The following DPP10 variants were observed in gnomAD, a reference collection of about 807,000 sequenced individuals.
DPP10 encodes the protein dipeptidyl peptidase like 10, also known as inactive dipeptidyl peptidase 10.
A neutral mutation model predicts 120.9 loss-of-function variants in DPP10; 33 were observed. That is an observed-to-expected ratio of 0.27 (90% CI 0.21 to 0.37). DPP10 has a LOEUF of 0.37. DPP10 is among the 10% of genes least tolerant of loss of function. DPP10 has a pLI of 1.00. For synonymous variants in DPP10, 337 were observed against 326.1 expected (o/e 1.03, Z -0.36); for missense variants, 816 against 942.8 (o/e 0.87, Z 1.76).
intron 3 of DPP10, among the ~76,000 whole-genome samples, chr2:115,483,405 G>A (rs886546485): frequency 8.6e-5 from 13 of 151,826 alleles, no homozygotes; most frequent in Non-Finnish European, 1.8e-4. Context: ...CTCCTTCTTC[G>A]TTCTTTCACT....
chr2:115,373,917 A>G (rs2106414738), intron 3 of DPP10, among the ~76,000 whole-genome samples: 1 of 151,576 alleles, frequency 6.6e-6, no homozygotes, highest in African/African-American at 2.4e-5. Context: ...GAAATGGGGC[A>G]TGCCAAACAT....
chr2:115,798,280 T>A (rs1575807372), intron 19 of DPP10, among the ~76,000 whole-genome samples: 1 of 152,142 alleles, frequency 6.6e-6, no homozygotes, highest in East Asian at 1.9e-4. Flanking sequence ...TTTTCTGTTT[T>A]AATTAGTTAT....
chr2:114,664,034 C>T (rs1463493452), intron 1 of DPP10, among the ~76,000 whole-genome samples: 1 of 151,900 alleles, frequency 6.6e-6, no homozygotes. Context: ...GTATAAAATG[C>T]TACAGTTGAA....
intron 1 of DPP10, among the ~76,000 whole-genome samples, chr2:114,650,094 G>A (rs1240609171): frequency 1.3e-5 from 2 of 152,136 alleles, no homozygotes; most frequent in African/African-American, 4.8e-5. Flanking sequence ...ATCGTCTGAT[G>A]TTTTGGGCCA....
rs59815394 is a variant in DPP10, at chr2:114,625,959, A to G, written c.60+183121A>G. On this transcript the variant is annotated intron_variant, in intron 1 of 25. Coordinates refer to ENST00000410059, the MANE Select transcript of DPP10 (RefSeq NM_020868.6). ...GCTTATTGCTATTGGGTTGTTCATT[A>G]TTTCTAGGTCTTTACATTGACAGAG... 2.0e-5 allele frequency among the ~76,000 whole-genome samples: 3 copies of G among 151,608 alleles called. No homozygotes were observed. The East Asian group carries it at 5.8e-4, about 29-fold the overall frequency.
At chr2:114,936,023 C>A (rs916195215) in intron 1 of DPP10, among the ~76,000 whole-genome samples, 1 of 151,712 alleles carries the variant, frequency 6.6e-6, no homozygotes, top group Non-Finnish European at 1.5e-5. Flanking sequence ...TTTGGGGGAA[C>A]AGGTAGTGTT....
At chr2:115,387,202 A>G (rs2067005088) in intron 3 of DPP10, among the ~76,000 whole-genome samples, 1 of 152,110 alleles carries the variant, frequency 6.6e-6, no homozygotes, top group African/African-American at 2.4e-5. Context: ...CACCACCCCC[A>G]CACTTGTTTC....
intron 1 of DPP10, among the ~76,000 whole-genome samples, chr2:114,651,080 C>T (rs1416362834): frequency 6.6e-6 from 1 of 152,164 alleles, no homozygotes; most frequent in Non-Finnish European, 1.5e-5. Context: ...CCAGGCTAGT[C>T]ACCTAAATGC....
chr2:115,412,177 GT>G (rs1204149774), intron 3 of DPP10, among the ~76,000 whole-genome samples: 6 of 152,134 alleles, frequency 3.9e-5, no homozygotes, highest in Admixed American at 2.6e-4. Flanking sequence ...CCTAAAACAG[GT>G]TGATGAGGGA....
At chr2:115,818,565 G>A (rs1009414768) in intron 21 of DPP10, among the ~76,000 whole-genome samples, 1 of 152,172 alleles carries the variant, frequency 6.6e-6, no homozygotes, top group Non-Finnish European at 1.5e-5. Context: ...AGCAGGTAGA[G>A]GGGAAGGAAA....
chr2:115,231,431 A>T (rs1479996442), intron 1 of DPP10, among the ~76,000 whole-genome samples: 1 of 152,144 alleles, frequency 6.6e-6, no homozygotes, highest in East Asian at 1.9e-4. Flanking sequence ...CATACTTTAC[A>T]GTTTGATTCA....
intron 1 of DPP10, among the ~76,000 whole-genome samples, chr2:114,524,723 G>C (rs190419301): frequency 6.6e-6 from 1 of 152,280 alleles, no homozygotes; most frequent in Admixed American, 6.5e-5. Context: ...GTGAATGACT[G>C]TCCAGGCATG....
At chr2:115,354,394 A>G (rs780114516) in intron 3 of DPP10, among the ~76,000 whole-genome samples, 3 of 151,700 alleles carry the variant, frequency 2.0e-5, no homozygotes, top group Admixed American at 6.6e-5. Context: ...TGGGTACCCA[A>G]TGTTTAGTTC....
intron 3 of DPP10, among the ~76,000 whole-genome samples, chr2:115,445,015 C>G (rs2072438490): frequency 6.6e-6 from 1 of 152,024 alleles, no homozygotes; most frequent in African/African-American, 2.4e-5. Flanking sequence ...GGAAATTCCC[C>G]CATGCTGTTC....
chr2:115,797,854 C>A (rs571516901), intron 19 of DPP10, among the ~76,000 whole-genome samples: 1 of 151,654 alleles, frequency 6.6e-6, no homozygotes, highest in Non-Finnish European at 1.5e-5. Flanking sequence ...GGGGGAAAAA[C>A]CCAAATTTAG....
intron 1 of DPP10, among the ~76,000 whole-genome samples, chr2:114,768,827 A>C (rs1274815214): frequency 1.3e-5 from 2 of 152,192 alleles, no homozygotes; most frequent in Non-Finnish European, 2.9e-5. Flanking sequence ...AATATTTGAT[A>C]AAATATTGAA....
intron 5 of DPP10, among the ~76,000 whole-genome samples, chr2:115,586,349 A>G (rs2082289438): frequency 6.6e-6 from 1 of 152,182 alleles, no homozygotes; most frequent in South Asian, 2.1e-4. Context: ...GATAATATCA[A>G]AAAACTGAGA....
At chr2:115,390,044 A>G (rs535973908) in intron 3 of DPP10, among the ~76,000 whole-genome samples, 1 of 152,284 alleles carries the variant, frequency 6.6e-6, no homozygotes, top group African/African-American at 2.4e-5. Context: ...TCTATATACA[A>G]CAAGGTTATT....
intron 21 of DPP10, among the ~76,000 whole-genome samples, chr2:115,824,926 A>G (rs574500957): frequency 7.9e-5 from 12 of 152,324 alleles, no homozygotes; most frequent in African/African-American, 2.9e-4. Flanking sequence ...CATTGATTAA[A>G]TTAATTACCT....
Sources: gnomAD v4.1 joint callset for allele counts (sites outside exome capture counted in the v4.1 genomes callset) on GRCh38, gnomAD v4.1.1 for gene constraint, MANE v1.5 for transcripts, NCBI Gene and HGNC (gene_info 2026-07-23, HGNC 2026-07-21) for gene names.